The following EXOC4 variants were observed in gnomAD, a reference collection of about 807,000 sequenced individuals.
EXOC4 encodes the protein exocyst complex component 4.
Under a neutral mutation model 107.2 loss-of-function variants are expected in EXOC4, and 71 were observed. The ratio of observed to expected loss-of-function variants is 0.66; its 90% CI spans 0.55 to 0.81. The LOEUF is 0.81. Ranked by LOEUF, EXOC4 falls within the 30% of genes least tolerant of loss-of-function variation. The pLI is 0.00. For synonymous variants in EXOC4, 456 were observed against 441.2 expected, an observed-to-expected ratio of 1.03 and a Z score of -0.42; for missense variants, 1,108 against 1,189.6, an observed-to-expected ratio of 0.93 and a Z score of 1.01.
chr7:133,908,703 T>C (rs770984418), intron 12 of EXOC4, among the ~76,000 whole-genome samples: 1 of 152,244 alleles, frequency 6.6e-6, no homozygotes, highest in African/African-American at 2.4e-5. Context: ...GCATAGCTCA[T>C]GGAAAAGGTT....
chr7:133,497,711 G>A (rs780491305), intron 9 of EXOC4, among the ~76,000 whole-genome samples: 2 of 152,140 alleles, frequency 1.3e-5, no homozygotes, highest in Non-Finnish European at 2.9e-5. Flanking sequence ...TTACAGGGGT[G>A]AGCCACCACG....
chr7:134,006,178 T>G (rs1282578796), intron 16 of EXOC4, among the ~76,000 whole-genome samples: 1 of 151,940 alleles, frequency 6.6e-6, no homozygotes, highest in Non-Finnish European at 1.5e-5. Context: ...GTTTTATTCC[T>G]ATTACAAAAT....
At chr7:133,485,239 A>C (rs2150867635) in intron 9 of EXOC4, among the ~76,000 whole-genome samples, 1 of 152,078 alleles carries the variant, frequency 6.6e-6, no homozygotes, top group African/African-American at 2.4e-5. Context: ...CCACTGAGTT[A>C]GCTCTCCTCC....
intron 5 of EXOC4, among the ~76,000 whole-genome samples, chr7:133,335,020 CTT>C (rs940032874): frequency 3.3e-5 from 5 of 152,080 alleles, no homozygotes; most frequent in Non-Finnish European, 7.4e-5. Flanking sequence ...TAACCACTCT[CTT>C]TTGTGTGAGT....
At chr7:133,661,676 AAAAAAAAAAAAAC>A (rs1318881941) in intron 10 of EXOC4, among the ~76,000 whole-genome samples, 7 of 53,774 alleles carry the variant, frequency 1.3e-4, no homozygotes, top group Admixed American at 1.6e-4. Flanking sequence ...TAAAACTAAA[AAAAAAAAAAAAAC>A]AAAAAAAAAA....
chr7:133,264,402 A>T (rs1421604737), intron 1 of EXOC4, among the ~76,000 whole-genome samples: 1 of 152,088 alleles, frequency 6.6e-6, no homozygotes, highest in Non-Finnish European at 1.5e-5. Context: ...TTGTTAGGGG[A>T]TGTTGTTTTT....
chr7:133,361,181 A>C (rs1796128183), intron 6 of EXOC4, among the ~76,000 whole-genome samples: 1 of 152,236 alleles, frequency 6.6e-6, no homozygotes, highest in South Asian at 2.1e-4. Flanking sequence ...TTAAAGCAGG[A>C]AGGAAGGCGT....
chr7:133,916,008 A>G (rs1289744472), intron 12 of EXOC4, among the ~76,000 whole-genome samples: 2 of 152,184 alleles, frequency 1.3e-5, no homozygotes, highest in East Asian at 3.9e-4. Context: ...TTTATTTTAA[A>G]AGAACCAGGG....
chr7:133,500,866 C>T (rs766357176), intron 9 of EXOC4, among the ~76,000 whole-genome samples: 10 of 152,106 alleles, frequency 6.6e-5, no homozygotes, highest in Non-Finnish European at 1.3e-4. Flanking sequence ...TGTAGGAGGC[C>T]ACACAAATGT....
chr7:133,785,921 G>C (rs999085661), intron 10 of EXOC4, among the ~76,000 whole-genome samples: 1 of 152,088 alleles, frequency 6.6e-6, no homozygotes, highest in African/African-American at 2.4e-5. Context: ...CACCTGCCTT[G>C]GCCTCCCAAA....
At chr7:133,773,409 C>T (rs1796283660) in intron 10 of EXOC4, among the ~76,000 whole-genome samples, 1 of 151,726 alleles carries the variant, frequency 6.6e-6, no homozygotes, top group Admixed American at 6.6e-5. Flanking sequence ...TGAAAGAAAA[C>T]CTTTAGTACA....
intron 17 of EXOC4, among the ~76,000 whole-genome samples, chr7:134,016,035 AAGGATGACTC>A (rs1379601603): frequency 6.6e-6 from 1 of 152,058 alleles, no homozygotes; most frequent in Non-Finnish European, 1.5e-5. Context: ...TGAAGGAGTC[AAGGATGACTC>A]TCCAATTTCT....
At chr7:133,802,265 T>C (rs1329202990) in intron 10 of EXOC4, among the ~76,000 whole-genome samples, 1 of 152,208 alleles carries the variant, frequency 6.6e-6, no homozygotes, top group East Asian at 1.9e-4. Context: ...AAAATGGAAA[T>C]AATTATCACT....
intron 9 of EXOC4, among the ~76,000 whole-genome samples, chr7:133,484,843 C>G (rs1310164044): frequency 6.6e-6 from 1 of 151,748 alleles, no homozygotes; most frequent in African/African-American, 2.4e-5. Flanking sequence ...CTTTGGGAGG[C>G]CTGAGGTGCA....
intron 10 of EXOC4, among the ~76,000 whole-genome samples, chr7:133,668,671 G>A (rs1793870159): frequency 6.6e-6 from 1 of 152,248 alleles, no homozygotes; most frequent in Non-Finnish European, 1.5e-5. Context: ...AATGCTGTTT[G>A]TGGGATCAGA....
chr7:133,305,129 A>G (rs1270465051), intron 3 of EXOC4, among the ~76,000 whole-genome samples: 1 of 150,208 alleles, frequency 6.7e-6, no homozygotes, highest in Non-Finnish European at 1.5e-5. Context: ...TGGTTGCTCC[A>G]GGTTCCCTGA....
intron 9 of EXOC4, among the ~76,000 whole-genome samples, chr7:133,596,906 G>C (rs1429261379): frequency 6.6e-6 from 1 of 152,136 alleles, no homozygotes; most frequent in Non-Finnish European, 1.5e-5. Flanking sequence ...CAAGGACTTC[G>C]GGTCGGCCTC....
intron 17 of EXOC4, among the ~76,000 whole-genome samples, chr7:134,033,775 A>G (rs1260201493): frequency 6.6e-6 from 1 of 152,206 alleles, no homozygotes; most frequent in African/African-American, 2.4e-5. Context: ...GTAAACTTAT[A>G]AAAGCTCCAG....
chr7:133,586,094 T>A (rs937087465), intron 9 of EXOC4, among the ~76,000 whole-genome samples: 1 of 151,784 alleles, frequency 6.6e-6, no homozygotes, highest in Admixed American at 6.6e-5. Context: ...TTTATTTTTT[T>A]AAATTTTAGA....
Sources: allele counts gnomAD v4.1 joint callset (sites outside exome capture counted in the v4.1 genomes callset), GRCh38; gene constraint gnomAD v4.1.1; transcripts MANE v1.5; gene names NCBI Gene and HGNC (gene_info 2026-07-23, HGNC 2026-07-21).